The following CADM2 variants were observed in gnomAD, a reference collection of about 807,000 sequenced individuals.
CADM2 encodes cell adhesion molecule 2.
A neutral mutation model predicts 49.8 loss-of-function variants in CADM2; 12 were observed. The ratio of observed to expected loss-of-function variants is 0.24; its 90% CI spans 0.15 to 0.39. The LOEUF (loss-of-function observed/expected upper bound fraction) is 0.39. Among genes scored for constraint, CADM2 ranks in the 10% least tolerant of loss-of-function variants. CADM2 has a pLI of 1.00. For synonymous variants in CADM2, 214 were observed against 175.4 expected (o/e 1.22, Z -1.74); for missense variants, 378 against 492.3 (o/e 0.77, Z 2.20).
chr3:85,320,274 T>A (rs774140524), intron 1 of CADM2, among the ~76,000 whole-genome samples: 1 of 152,202 alleles, frequency 6.6e-6, no homozygotes, highest in African/African-American at 2.4e-5. Flanking sequence ...TGAGATACTT[T>A]GCTCTAGAAC....
intron 1 of CADM2, among the ~76,000 whole-genome samples, chr3:85,439,400 G>C (rs994699698): frequency 2.0e-5 from 3 of 151,850 alleles, no homozygotes; most frequent in African/African-American, 7.3e-5. Context: ...TGATTTGCCC[G>C]CCTCGGCCTA....
intron 1 of CADM2, among the ~76,000 whole-genome samples, chr3:85,254,979 A>G (rs59909279): frequency 2.1e-4 from 32 of 152,264 alleles, no homozygotes; most frequent in African/African-American, 7.7e-4. Flanking sequence ...TTTGCAAAGA[A>G]TGAAGTCATT....
At chr3:85,688,334 G>A (rs1447151562) in intron 1 of CADM2, among the ~76,000 whole-genome samples, 2 of 152,070 alleles carry the variant, frequency 1.3e-5, no homozygotes, top group African/African-American at 4.8e-5. Context: ...TACATGGATG[G>A]CAAAGAGGCA....
intron 8 of CADM2, among the ~76,000 whole-genome samples, chr3:85,999,518 AAAAG>A (rs962516705): frequency 6.6e-6 from 1 of 151,130 alleles, no homozygotes; most frequent in Non-Finnish European, 1.5e-5. Context: ...AAAGAAAAGA[AAAAG>A]AAAGAAGGAA....
At chr3:86,016,612 G>A (rs913808306) in intron 8 of CADM2, among the ~76,000 whole-genome samples, 5 of 152,070 alleles carry the variant, frequency 3.3e-5, no homozygotes, top group South Asian at 4.2e-4. Flanking sequence ...CCTTCTCTGC[G>A]GAAGTTTCAA....
At chr3:85,258,085 G>A (rs977393108) in intron 1 of CADM2, among the ~76,000 whole-genome samples, 12 of 152,062 alleles carry the variant, frequency 7.9e-5, no homozygotes, top group Non-Finnish European at 5.9e-5. Flanking sequence ...TTTCCTATTG[G>A]CTTGGATTCA....
intron 8 of CADM2, chr3:85,979,406 C>G: frequency 9.2e-7 from 1 of 1,086,328 alleles, no homozygotes; most frequent in Non-Finnish European, 1.3e-6. Flanking sequence ...ATTAAGTCAC[C>G]TAAATTGCTA....
chr3:85,174,189 A>G (rs1490103396), intron 1 of CADM2, among the ~76,000 whole-genome samples: 2 of 152,130 alleles, frequency 1.3e-5, no homozygotes, highest in Non-Finnish European at 2.9e-5. Flanking sequence ...TAATTCCTAA[A>G]CATTGGCTCT....
chr3:85,065,532 C>T (rs903667936), intron 1 of CADM2, among the ~76,000 whole-genome samples: 3 of 152,080 alleles, frequency 2.0e-5, no homozygotes, highest in African/African-American at 7.2e-5. Context: ...TATAACTGTG[C>T]TTATAAACTG....
chr3:85,964,947 A>C (rs1278453923), intron 8 of CADM2, among the ~76,000 whole-genome samples: 2 of 151,600 alleles, frequency 1.3e-5, no homozygotes, highest in Non-Finnish European at 3.0e-5. Context: ...CATAGTTTTA[A>C]TGGCTTTGAA....
intron 8 of CADM2, among the ~76,000 whole-genome samples, chr3:85,966,856 A>T (rs533410012): frequency 2.1e-4 from 32 of 151,812 alleles, no homozygotes; most frequent in Admixed American, 5.3e-4. Context: ...TTACTTCAGA[A>T]GTAACATATA....
intron 1 of CADM2, among the ~76,000 whole-genome samples, chr3:85,162,780 A>T (rs180746952): frequency 6.6e-6 from 1 of 152,040 alleles, no homozygotes; most frequent in East Asian, 1.9e-4. Flanking sequence ...ACACAACAGA[A>T]ATATTTTCTA....
chr3:85,312,706 A>G (rs944565059), intron 1 of CADM2, among the ~76,000 whole-genome samples: 1 of 152,196 alleles, frequency 6.6e-6, no homozygotes, highest in Non-Finnish European at 1.5e-5. Flanking sequence ...AAATAAAAAG[A>G]ACTCCCTAAC....
chr3:85,795,677 A>G (rs2071578073), intron 2 of CADM2, among the ~76,000 whole-genome samples: 1 of 152,186 alleles, frequency 6.6e-6, no homozygotes, highest in African/African-American at 2.4e-5. Flanking sequence ...TAAATTATAA[A>G]AGTAAGGTAT....
chr3:85,307,974 A>C (rs1202626340), intron 1 of CADM2, among the ~76,000 whole-genome samples: 8 of 151,462 alleles, frequency 5.3e-5, no homozygotes, highest in Admixed American at 2.6e-4. Context: ...TTTTTAAAAA[A>C]GGTTTAAATT....
intron 1 of CADM2, among the ~76,000 whole-genome samples, chr3:85,519,792 G>A (rs1413055827): frequency 6.6e-6 from 1 of 152,078 alleles, no homozygotes; most frequent in African/African-American, 2.4e-5. Context: ...GGAAGAAATA[G>A]TGAATACTTT....
intron 1 of CADM2, among the ~76,000 whole-genome samples, chr3:85,020,493 A>C (rs1373718594): frequency 6.6e-6 from 1 of 152,212 alleles, no homozygotes; most frequent in Non-Finnish European, 1.5e-5. Context: ...TAGCTATAAT[A>C]AACAATCTAC....
At position 84,959,275 on chromosome 3, in the gene CADM2, G is replaced by A; in HGVS notation, c.-333G>A. 2.1e-6 allele frequency: 1 copy of A among 471,992 alleles called. No individual in the cohort carries two copies. Among genetic ancestry groups the A allele is most frequent in the Non-Finnish European group, 3.8e-6 (1 of 260,408 alleles). 29.2% of individuals were successfully genotyped at this position (471,992 alleles called of 1,614,324 possible). ...CCGGCATCCCTGCACCACCTGCTCG[G>A]GCAGCCCCGGCGGGCTCTGGGACTT... On this transcript the variant is annotated 5_prime_UTR_variant, in exon 1 of 10. Transcript: ENST00000383699.
At chr3:85,770,820 C>G (rs1023782082) in intron 2 of CADM2, among the ~76,000 whole-genome samples, 1 of 152,118 alleles carries the variant, frequency 6.6e-6, no homozygotes, top group African/African-American at 2.4e-5. Flanking sequence ...AAGGAGTTTT[C>G]TGGTCTTAAA....
Sources: allele counts gnomAD v4.1 joint callset (sites outside exome capture counted in the v4.1 genomes callset), GRCh38; gene constraint gnomAD v4.1.1; transcripts MANE v1.5; gene names NCBI Gene and HGNC (gene_info 2026-07-23, HGNC 2026-07-21).